The following DDX31 variants were observed in gnomAD, a reference collection of about 807,000 sequenced individuals.
DDX31 encodes ATP-dependent DNA helicase DDX31.
DDX31 carries 70 observed loss-of-function variants against 91.3 expected under a neutral mutation model. The observed-to-expected ratio is 0.77, with a 90% CI of 0.63 to 0.94. DDX31 has a LOEUF of 0.94. Among genes scored for constraint, DDX31 ranks in the 40% least tolerant of loss-of-function variants. The pLI, the probability that DDX31 is intolerant of heterozygous loss-of-function variation, is 0.00. For synonymous variants in DDX31, 362 were observed against 350.6 expected (o/e 1.03, Z -0.36); for missense variants, 902 against 925.0 (o/e 0.98, Z 0.32).
intron 16 of DDX31, among the ~76,000 whole-genome samples, chr9:132,626,771 C>T (rs1168067035): frequency 3.3e-5 from 5 of 152,002 alleles, no homozygotes; most frequent in Non-Finnish European, 5.9e-5. Flanking sequence ...ACGTCTCTGA[C>T]AGCGATTTAC....
intron 17 of DDX31, among the ~76,000 whole-genome samples, chr9:132,623,551 CAAA>C (rs34868804): frequency 3.0e-5 from 2 of 66,752 alleles, no homozygotes; most frequent in Admixed American, 1.8e-4. Flanking sequence ...GACTCCATCT[CAAA>C]AAAAAAAAAA....
At chr9:132,666,631 C>T (rs1484345938) in intron 1 of DDX31, among the ~76,000 whole-genome samples, 3 of 152,030 alleles carry the variant, frequency 2.0e-5, no homozygotes, top group Non-Finnish European at 2.9e-5. Flanking sequence ...AAGTGATTCT[C>T]GTGCCTCAGC....
intron 14 of DDX31, among the ~76,000 whole-genome samples, chr9:132,641,395 T>C (rs1269807361): frequency 2.0e-5 from 3 of 152,224 alleles, no homozygotes; most frequent in African/African-American, 7.2e-5. Context: ...TCTTTGGAGA[T>C]AGCAACAACT....
chr9:132,640,568 C>G (rs1833437594), intron 14 of DDX31, among the ~76,000 whole-genome samples: 2 of 152,234 alleles, frequency 1.3e-5, no homozygotes, highest in African/African-American at 4.8e-5. Flanking sequence ...GCAATCACAG[C>G]TCACTGTAGC....
At chr9:132,623,014 G>A (rs1471467125) in intron 17 of DDX31, among the ~76,000 whole-genome samples, 2 of 151,566 alleles carry the variant, frequency 1.3e-5, no homozygotes, top group African/African-American at 2.4e-5. Flanking sequence ...GTCTGTAATC[G>A]AGCTACTTGG....
intron 11 of DDX31, among the ~76,000 whole-genome samples, 159 bp downstream of exon 11, chr9:132,648,030 A>G (rs1012640017): frequency 2.6e-5 from 4 of 152,148 alleles, no homozygotes; most frequent in African/African-American, 9.7e-5. Flanking sequence ...TTGGGAGTGT[A>G]GAACATAGAG....
At chr9:132,637,644 C>T (rs930064170) in intron 14 of DDX31, among the ~76,000 whole-genome samples, 17 of 152,168 alleles carry the variant, frequency 1.1e-4, no homozygotes, top group African/African-American at 4.1e-4. Context: ...TCCAGGCCCC[C>T]GTTGTCCGGG....
chr9:132,615,937 C>CT (rs1480723123), intron 18 of DDX31, among the ~76,000 whole-genome samples: 1 of 152,182 alleles, frequency 6.6e-6, no homozygotes, highest in Non-Finnish European at 1.5e-5. Context: ...AAGCCAGCTG[C>CT]TTTGTTAATT....
chr9:132,656,899 T>C (rs1351037032), intron 6 of DDX31, among the ~76,000 whole-genome samples: 2 of 152,140 alleles, frequency 1.3e-5, no homozygotes, highest in African/African-American at 2.4e-5. Flanking sequence ...CCAGGGACAA[T>C]GCTAAGCACT....
At chr9:132,608,970 C>T (rs1215444330) in intron 19 of DDX31, among the ~76,000 whole-genome samples, 1 of 152,172 alleles carries the variant, frequency 6.6e-6, no homozygotes, top group Non-Finnish European at 1.5e-5. Flanking sequence ...CAAAGTCATT[C>T]CTCCTCCAGG....
chr9:132,614,517 C>G (rs755962030), intron 18 of DDX31, among the ~76,000 whole-genome samples: 30 of 152,116 alleles, frequency 2.0e-4, no homozygotes, highest in Non-Finnish European at 3.2e-4. Flanking sequence ...AAAGACAAGA[C>G]CGAAACCAAG....
In DDX31 at chr9:132,650,222, A is replaced by C. The variant is rs770470624; in HGVS notation, c.740+12T>G. Reference sequence around the variant, plus strand: ...TCAAGAAGGAAACAACAACCAACAAACCTCTTCCTACCTGGCCTTTTCTGA... The same window carrying C: ...TCAAGAAGGAAACAACAACCAACAACCCTCTTCCTACCTGGCCTTTTCTGA... On this transcript the variant is annotated intron_variant, in intron 9 of 19. Transcript: ENST00000372159. 1 of 1,612,882 alleles carries C rather than the reference A, an allele frequency of 6.2e-7. No homozygotes were observed. The highest frequency in any genetic ancestry group is 1.1e-5 in the South Asian group (1 of 91,006).
chr9:132,620,842 T>G (rs1831983843), intron 17 of DDX31, among the ~76,000 whole-genome samples: 1 of 135,624 alleles, frequency 7.4e-6, no homozygotes, highest in Admixed American at 7.5e-5. Flanking sequence ...TCTCCCACCC[T>G]CCAAGACACA....
Position 132,594,773 on chromosome 9 carries a change from A to G in DDX31, c.*93T>C. 1.9e-6 allele frequency: 3 copies of G among 1,541,618 alleles called. No homozygotes were observed. The highest frequency in any genetic ancestry group is 2.6e-6 in the Non-Finnish European group (3 of 1,144,142). ...GGACGTGGTATTCAGGCAAAGGCGCAGTTATTTTTCACAAGCCTCCTCTGA... is the reference window on the plus strand; with the variant it reads ...GGACGTGGTATTCAGGCAAAGGCGCGGTTATTTTTCACAAGCCTCCTCTGA... On this transcript the variant is annotated 3_prime_UTR_variant, in exon 20 of 20. Transcript: ENST00000372159.
At chr9:132,663,511 C>T in intron 1 of DDX31, 3 of 985,446 alleles carry the variant, frequency 3.0e-6, no homozygotes, top group Non-Finnish European at 3.6e-6. Context: ...GTCCAAACTT[C>T]CCCTAGGAGA....
Position 132,594,988 on chromosome 9 carries a change from C to T in DDX31, c.2119G>A (p.Gly707Ser), listed in dbSNP as rs759535820. The T allele has an allele frequency of 2.5e-6, 4 of 1,614,216 alleles. No homozygotes were observed. In the South Asian group the frequency reaches 3.3e-5, roughly 13 times the overall value. The change falls in exon 20 of 20, where the codon GGT (glycine) becomes AGT (serine). Residue 707 changes from glycine to serine, a missense_variant. Physicochemically the swap from Gly to Ser is moderately conservative, Grantham distance 56. Coordinates refer to ENST00000372159, the MANE Select transcript of DDX31 (RefSeq NM_022779.9). ...AGACTGTGCTGCAGGGGCCGGCCAC[C>T]AGGCTCTCCAGGTGCGTTTTGCTTT... ...VKKQNAPGEP[G>S]GRPLQHSLQP...
intron 1 of DDX31, among the ~76,000 whole-genome samples, chr9:132,667,609 AC>A (rs1352642948): frequency 2.6e-5 from 4 of 151,942 alleles, no homozygotes; most frequent in African/African-American, 9.7e-5. Context: ...TCTCAAAAAA[AC>A]AAAACAAAAC....
At chr9:132,668,086 A>G (rs1835429126) in intron 1 of DDX31, among the ~76,000 whole-genome samples, 2 of 152,102 alleles carry the variant, frequency 1.3e-5, no homozygotes, top group East Asian at 1.9e-4. Flanking sequence ...TGGCTCTTCT[A>G]TCCTTCTCCC....
chr9:132,631,980 G>A, intron 15 of DDX31, 61 bp downstream of exon 15: 1 of 1,429,626 alleles, frequency 7.0e-7, no homozygotes, highest in Non-Finnish European at 9.7e-7. Flanking sequence ...TAAAGCCAAT[G>A]CATCTACTCA....
Sources: allele counts gnomAD v4.1 joint callset (sites outside exome capture counted in the v4.1 genomes callset), GRCh38; gene constraint gnomAD v4.1.1; transcripts MANE v1.5; gene names NCBI Gene and HGNC (gene_info 2026-07-23, HGNC 2026-07-21).